The following AKR1C3 variants were observed in gnomAD, a reference collection of about 807,000 sequenced individuals.
AKR1C3 encodes 3-alpha hydroxysteroid dehydrogenase, type II.
A neutral mutation model predicts 43.6 loss-of-function variants in AKR1C3; 48 were observed. The observed-to-expected ratio is 1.10, with a 90% confidence interval of 0.87 to 1.40. AKR1C3 has a LOEUF of 1.40. AKR1C3 is among the 40% of genes most tolerant of loss of function. AKR1C3 has a pLI of 0.00. For synonymous variants in AKR1C3, 162 were observed against 139.6 expected (o/e 1.16, Z -1.13); for missense variants, 482 against 391.2 (o/e 1.23, Z -1.96).
chr10:5,077,144 C>A (rs1003785591), intron 1 of AKR1C3, among the ~76,000 whole-genome samples: 7 of 151,860 alleles, frequency 4.6e-5, no homozygotes, highest in Admixed American at 3.9e-4. Context: ...GGTTAATATT[C>A]CCCTCTTGTC....
At chr10:5,090,300 C>G (rs1160585951), upstream of AKR1C3, among the ~76,000 whole-genome samples, 1 of 152,066 alleles carries the variant, frequency 6.6e-6, no homozygotes, top group African/African-American at 2.4e-5. Context: ...AGAGAAACTT[C>G]TGTTGTAAAG....
intron 1 of AKR1C3, among the ~76,000 whole-genome samples, chr10:5,071,760 C>T (rs561116425): frequency 1.8e-4 from 28 of 152,196 alleles, no homozygotes; most frequent in African/African-American, 6.8e-4. Context: ...GGCAGGAGTC[C>T]AACTTCCCTT....
At chr10:5,054,071 G>T (rs993657504) in intron 1 of AKR1C3, among the ~76,000 whole-genome samples, 16 of 152,308 alleles carry the variant, frequency 1.1e-4, no homozygotes, top group African/African-American at 3.9e-4. Flanking sequence ...GCCTTTTCCT[G>T]TAAGCGCCGG....
At chr10:5,088,821 T>C (rs1330699669) in intron 1 of AKR1C3, among the ~76,000 whole-genome samples, 3 of 152,020 alleles carry the variant, frequency 2.0e-5, no homozygotes, top group Non-Finnish European at 2.9e-5. Flanking sequence ...AACCTAGATA[T>C]ATGAGCTTTT....
At chr10:5,097,233 G>A (rs1341530990) in intron 2 of AKR1C3, among the ~76,000 whole-genome samples, 1 of 152,044 alleles carries the variant, frequency 6.6e-6, no homozygotes, top group East Asian at 1.9e-4. Context: ...TTCAGTAGAT[G>A]TACAAACTAT....
chr10:5,106,392 T>C (rs587665623), intron 8 of AKR1C3, among the ~76,000 whole-genome samples: 1 of 152,296 alleles, frequency 6.6e-6, no homozygotes, highest in South Asian at 2.1e-4. Flanking sequence ...AAAAGATCTT[T>C]ACTATTCCTT....
rs1308438007 is a variant in AKR1C3 at position 5,084,526 on chromosome 10, G to C, written c.85-11884G>C. Among the ~76,000 whole-genome samples the C allele has an allele frequency of 5.1e-4, 78 of 152,250 alleles. 1 individual carries two copies. The highest frequency in any genetic ancestry group is 5.8e-4 in the East Asian group (3 of 5,184). On this transcript the variant is annotated intron_variant, in intron 1 of 8. Transcript: ENST00000439082. ...CAGGTAGCATGATGCCTCCGGCTTT[G>C]TTCTTTTGGCTTAGGATTGACTTGG... is the stretch of plus-strand genomic sequence containing the variant.
chr10:5,060,594 C>T (rs1435591457), intron 1 of AKR1C3, among the ~76,000 whole-genome samples: 1 of 152,208 alleles, frequency 6.6e-6, no homozygotes, highest in African/African-American at 2.4e-5. Context: ...TCTCCAAGTC[C>T]CCACCAGACT....
intron 6 of AKR1C3, 65 bp from the exon 7 acceptor site, chr10:5,102,420 T>A (rs537903777): frequency 2.4e-6 from 3 of 1,264,578 alleles, no homozygotes; most frequent in African/African-American, 1.5e-5. Context: ...CTTAGTCTGT[T>A]TAGGGAGCCG....
At chr10:5,060,228 G>A (rs369679090) in intron 1 of AKR1C3, among the ~76,000 whole-genome samples, 313 of 152,284 alleles carry the variant, frequency 2.1e-3, no homozygotes, top group African/African-American at 7.1e-3. Context: ...AGCTTCCACA[G>A]TGTGGAAGGG....
intron 7 of AKR1C3, chr10:5,105,391 T>G (rs2131853313): frequency 2.2e-6 from 1 of 458,646 alleles, no homozygotes; most frequent in Non-Finnish European, 3.9e-6. Flanking sequence ...AGTTGCACAG[T>G]TTCAATACAT....
At position 5,105,228 on chromosome 10, in the gene AKR1C3, TA is replaced by T. The variant is rs1378702122; in HGVS notation, c.847-365del. Reference sequence around the variant, plus strand: ...AACAATATCTATCAAACTTAATATATAATCTTGTTATTTAAAAATTTGCCTC... The same window carrying T: ...AACAATATCTATCAAACTTAATATATATCTTGTTATTTAAAAATTTGCCTC... On this transcript the variant is annotated intron_variant, in intron 7 of 8. Transcript: ENST00000380554. The T allele has an allele frequency of 4.0e-3, 603 of 152,304 alleles. 11 individuals carry two copies. Among genetic ancestry groups the T allele is most frequent in the African/African-American group, 0.016 (573 of 36,950 alleles). 9.4% of individuals were successfully genotyped at this position (152,304 alleles called of 1,614,324 possible).
intron 1 of AKR1C3, among the ~76,000 whole-genome samples, chr10:5,050,759 C>T (rs782207367): frequency 6.6e-6 from 1 of 152,192 alleles, no homozygotes; most frequent in Non-Finnish European, 1.5e-5. Context: ...TCTACATATA[C>T]ATTTTTAATG....
At chr10:5,086,033 G>T (rs1251284200) in intron 1 of AKR1C3, among the ~76,000 whole-genome samples, 2 of 151,758 alleles carry the variant, frequency 1.3e-5, no homozygotes, top group African/African-American at 2.4e-5. Flanking sequence ...CCAGCTCCTG[G>T]TTTCATTAAT....
At chr10:5,094,376 G>T (rs1339616828), upstream of AKR1C3, 2 of 1,570,522 alleles carry the variant, frequency 1.3e-6, no homozygotes, top group African/African-American at 1.4e-5. Flanking sequence ...GGGGTTTCCT[G>T]CCCATTGTTT....
At chr10:5,072,111 C>T (rs1554781380) in intron 1 of AKR1C3, among the ~76,000 whole-genome samples, 1 of 152,112 alleles carries the variant, frequency 6.6e-6, no homozygotes. Flanking sequence ...GAATGAAGAC[C>T]AGCCTATGTG....
At chr10:5,104,955 C>T (rs587764971) in intron 7 of AKR1C3, among the ~76,000 whole-genome samples, 5 of 152,244 alleles carry the variant, frequency 3.3e-5, no homozygotes, top group African/African-American at 1.2e-4. Context: ...CTCTCTCTCT[C>T]ATTCTCTGTA....
intron 1 of AKR1C3, among the ~76,000 whole-genome samples, chr10:5,055,781 C>T (rs1554779480): frequency 2.0e-5 from 3 of 152,174 alleles, no homozygotes; most frequent in Non-Finnish European, 4.4e-5. Flanking sequence ...GGTTCCCATT[C>T]TACTAGATGA....
chr10:5,102,627 C>T lies in AKR1C3; in HGVS notation c.823C>T (p.Gln275Ter), dbSNP rs1839386813. 6.7e-7 allele frequency: 1 copy of T among 1,489,218 alleles called. No homozygotes were observed. The highest frequency in any genetic ancestry group is 1.4e-5 in the African/African-American group (1 of 71,000). 92.3% of individuals were successfully genotyped at this position (1,489,218 alleles called of 1,614,324 possible). A position where few individuals can be genotyped will look rare whatever the true frequency, so the allele number is the denominator to read the frequency against. The change falls in exon 7 of 9, where the codon CAG becomes TAG. Residue 275 changes from glutamine (Q) to a stop codon, truncating the protein, a stop_gained. Coordinates refer to ENST00000380554, the MANE Select transcript of AKR1C3 (RefSeq NM_003739.6). LOFTEE classifies it high-confidence loss of function. ...VVVLAKSYNE[Q>*]RIRQNVQVFE... Reference sequence around the variant, plus strand: ...GGTCCTGGCCAAGAGCTACAATGAGCAGCGCATCAGACAGAACGTGCAGGT... The same window carrying T: ...GGTCCTGGCCAAGAGCTACAATGAGTAGCGCATCAGACAGAACGTGCAGGT...
Sources: allele counts gnomAD v4.1 joint callset (sites outside exome capture counted in the v4.1 genomes callset), GRCh38; gene constraint gnomAD v4.1.1; transcripts MANE v1.5; gene names NCBI Gene and HGNC (gene_info 2026-07-23, HGNC 2026-07-21).